The following CRACD variants were observed in gnomAD, a reference collection of about 807,000 sequenced individuals.
CRACD encodes the protein capping protein inhibiting regulator of actin dynamics.
CRACD carries 56 observed loss-of-function variants against 106.8 expected under a neutral mutation model. That is an observed-to-expected ratio of 0.52 (90% CI 0.42 to 0.66). The LOEUF is 0.66. CRACD is among the 30% of genes least tolerant of loss of function. The pLI, the probability that CRACD is intolerant of heterozygous loss-of-function variation, is 0.00. For missense variants in CRACD, 1,730 were observed against 1,623.2 expected (o/e 1.07, Z -1.13); for synonymous variants, 754 against 670.8 (o/e 1.12, Z -1.92).
At chr4:56,242,249 G>A (rs1740409298) in intron 2 of CRACD, among the ~76,000 whole-genome samples, 1 of 152,166 alleles carries the variant, frequency 6.6e-6, no homozygotes, top group African/African-American at 2.4e-5. Context: ...TGTTTACTTT[G>A]TGGAGATCAT....
chr4:56,276,570 A>G (rs1165328624), intron 3 of CRACD, among the ~76,000 whole-genome samples: 3 of 152,236 alleles, frequency 2.0e-5, no homozygotes, highest in South Asian at 4.1e-4. Context: ...ATTATTATCA[A>G]CAGTTCAAAG....
chr4:56,177,138 G>A (rs1736617885), intron 1 of CRACD, among the ~76,000 whole-genome samples: 1 of 152,084 alleles, frequency 6.6e-6, no homozygotes, highest in South Asian at 2.1e-4. Flanking sequence ...TCTTGTTCTA[G>A]AGCTTAGAAG....
chr4:56,329,976 G>A lies in CRACD; in HGVS notation c.*2172G>A, dbSNP rs1746699750. On this transcript the variant is annotated 3_prime_UTR_variant, in exon 11 of 11. Transcript: ENST00000682029. ...GTCTTTAAAAGAAGAGTATACTGAA[G>A]AAAGGGCAGTCACAATACTTACTTC... 6.6e-6 allele frequency among the ~76,000 whole-genome samples: 1 copy of A among 152,112 alleles called. No homozygotes were observed. Among genetic ancestry groups the A allele is most frequent in the African/African-American group, 2.4e-5 (1 of 41,432 alleles).
chr4:56,181,158 A>G (rs1423037644), intron 2 of CRACD, among the ~76,000 whole-genome samples: 1 of 152,234 alleles, frequency 6.6e-6, no homozygotes, highest in Admixed American at 6.5e-5. Context: ...CACTGAGAAC[A>G]TGGAGAAAAG....
chr4:56,295,575 G>A (rs1024310147), intron 3 of CRACD, among the ~76,000 whole-genome samples: 6 of 150,348 alleles, frequency 4.0e-5, no homozygotes, highest in Non-Finnish European at 7.4e-5. Context: ...ACTTCATGAC[G>A]CAGTCAAGGT....
At chr4:56,072,437 A>G (rs558686426) in intron 1 of CRACD, among the ~76,000 whole-genome samples, 1 of 152,258 alleles carries the variant, frequency 6.6e-6, no homozygotes, top group South Asian at 2.1e-4. Flanking sequence ...TAATTCCATC[A>G]TGTATCTTCT....
At chr4:56,282,946 C>T (rs1743114584) in intron 3 of CRACD, among the ~76,000 whole-genome samples, 1 of 152,234 alleles carries the variant, frequency 6.6e-6, no homozygotes, top group African/African-American at 2.4e-5. Flanking sequence ...CTCCGCTCTC[C>T]TTAGCTCTAA....
At chr4:56,061,859 A>G (rs906786306) in intron 1 of CRACD, among the ~76,000 whole-genome samples, 1 of 152,210 alleles carries the variant, frequency 6.6e-6, no homozygotes, top group Non-Finnish European at 1.5e-5. Flanking sequence ...GTGAAAAGCT[A>G]TGGGAATTCA....
At chr4:56,083,149 G>A (rs1190933198) in intron 1 of CRACD, among the ~76,000 whole-genome samples, 1 of 152,176 alleles carries the variant, frequency 6.6e-6, no homozygotes, top group Non-Finnish European at 1.5e-5. Context: ...TAACTATGGA[G>A]TGATAACAAG....
At chr4:56,052,181 G>A (rs956725757) in intron 1 of CRACD, among the ~76,000 whole-genome samples, 3 of 151,982 alleles carry the variant, frequency 2.0e-5, no homozygotes, top group Non-Finnish European at 2.9e-5. Context: ...GAACCACTGC[G>A]CCCAGCCTAA....
At chr4:56,115,693 T>A (rs986040841) in intron 1 of CRACD, among the ~76,000 whole-genome samples, 4 of 152,190 alleles carry the variant, frequency 2.6e-5, no homozygotes, top group Admixed American at 6.5e-5. Context: ...ATTGCTGTTA[T>A]TTACTACCCT....
At chr4:56,153,000 C>T (rs1184733100) in intron 1 of CRACD, among the ~76,000 whole-genome samples, 1 of 152,074 alleles carries the variant, frequency 6.6e-6, no homozygotes, top group African/African-American at 2.4e-5. Flanking sequence ...AATTCCTGGC[C>T]AGGTGCAGTG....
intron 1 of CRACD, among the ~76,000 whole-genome samples, chr4:56,089,471 C>G (rs1733342998): frequency 6.6e-6 from 1 of 150,762 alleles, no homozygotes. Context: ...TGTGCAGGAA[C>G]TATTTAGACA....
rs906524678 is a variant in CRACD at position 56,285,012 on chromosome 4, C to G, written c.-17+12520C>G. On this transcript the variant is annotated intron_variant, in intron 3 of 10. Transcript: ENST00000682029. ...AAGAGGTTTAATTGACTCACGGTTC[C>G]ACAAGCTTAACAGGAACCATGGTTG... 2.0e-5 allele frequency among the ~76,000 whole-genome samples: 3 copies of G among 152,124 alleles called. No individual in the cohort carries two copies. In the South Asian group the frequency reaches 6.2e-4, roughly 32 times the overall value.
chr4:56,304,217 C>G (rs1323106984), intron 4 of CRACD, among the ~76,000 whole-genome samples: 2 of 151,974 alleles, frequency 1.3e-5, no homozygotes, highest in African/African-American at 4.8e-5. Flanking sequence ...CCCTTCCTCT[C>G]GAATTGCCTC....
intron 10 of CRACD, among the ~76,000 whole-genome samples, chr4:56,327,339 G>C (rs1036384316): frequency 9.2e-5 from 14 of 151,974 alleles, no homozygotes; most frequent in Non-Finnish European, 2.9e-5. Flanking sequence ...GCTGGGGTGG[G>C]GGGTGTTGGA....
Position 56,314,588 on chromosome 4 carries a change from G to A in CRACD, c.1086G>A (p.Glu362=), listed in dbSNP as rs1296645343. 2.0e-6 allele frequency: 3 copies of A among 1,522,178 alleles called. No individual in the cohort carries two copies. Among genetic ancestry groups the A allele is most frequent in the African/African-American group, 1.4e-5 (1 of 72,104 alleles). The allele number at this position is 1,522,178 out of a possible 1,614,324, so 94.3% of individuals were successfully genotyped here. The change falls in exon 8 of 11, where the codon GAG becomes GAA. Residue 362 remains glutamate, a synonymous_variant. Transcript: ENST00000682029. This position sits in a 1 kb window ranked among gnomAD's most constrained non-coding sequence, Gnocchi z 4.4. ...GCGCGGAGGAGCTCAAAAGGCAGGAGGAGGAGGAGGCTGAGGGATGGGAAG... is the reference window on the plus strand; with the variant it reads ...GCGCGGAGGAGCTCAAAAGGCAGGAAGAGGAGGAGGCTGAGGGATGGGAAG... The part of the protein sequence containing the change: ...GRCAEELKRQ[E]EEEAEGWEEL...
intron 2 of CRACD, among the ~76,000 whole-genome samples, chr4:56,245,889 T>A (rs1740653480): frequency 6.6e-6 from 1 of 152,248 alleles, no homozygotes; most frequent in Admixed American, 6.5e-5. Flanking sequence ...TTTATTCTCC[T>A]TGCAACACTG....
intron 1 of CRACD, among the ~76,000 whole-genome samples, chr4:56,142,029 G>C (rs558137843): frequency 8.5e-5 from 13 of 152,182 alleles, no homozygotes; most frequent in African/African-American, 3.1e-4. Flanking sequence ...AATTGTGAAA[G>C]TAATAGGTGT....
Sources: gnomAD v4.1 joint callset for allele counts (sites outside exome capture counted in the v4.1 genomes callset) on GRCh38, gnomAD v4.1.1 for gene constraint, Gnocchi (gnomAD v3.1) non-coding constraint, MANE v1.5 for transcripts, NCBI Gene and HGNC (gene_info 2026-07-23, HGNC 2026-07-21) for gene names.